The following CFAP70 variants were observed in gnomAD, a reference collection of about 807,000 sequenced individuals.
The protein encoded by CFAP70 is cilia and flagella associated protein 70, also known as cilia- and flagella-associated protein 70.
CFAP70 carries 81 observed loss-of-function variants against 137.6 expected under a neutral mutation model. The observed-to-expected ratio is 0.59, with a 90% CI of 0.49 to 0.71. The LOEUF is 0.71. Among genes scored for constraint, CFAP70 ranks in the 30% least tolerant of loss-of-function variants. The pLI is 0.00. For synonymous variants in CFAP70, 382 were observed against 423.6 expected (o/e 0.90, Z 1.20); for missense variants, 976 against 1,226.7 (o/e 0.80, Z 3.05).
At chr10:73,335,577 G>T in intron 6 of CFAP70, 53 bp from the exon 8 acceptor site, 2 of 1,326,814 alleles carry the variant, frequency 1.5e-6, no homozygotes, top group South Asian at 1.3e-5. Flanking sequence ...ACTTCATTCT[G>T]CTCCATCTAT....
At chr10:73,332,873 G>T (rs1280269650) in intron 7 of CFAP70, among the ~76,000 whole-genome samples, 1 of 152,040 alleles carries the variant, frequency 6.6e-6, no homozygotes. Flanking sequence ...AAATTAAAGG[G>T]CTATAAAGAA....
At position 73,323,383 on chromosome 10, in the gene CFAP70, C is replaced by G. The variant is rs571714942; in HGVS notation, c.778-286G>C. ...ATAGGAACAGCTCCGGTCTATAGCT[C>G]CCAGCGTGAGCGACGCAGAAGATGG... On this transcript the variant is annotated intron_variant, in intron 8 of 26. Transcript: ENST00000310715. Among the ~76,000 whole-genome samples the G allele has an allele frequency of 1.8e-4, 27 of 151,736 alleles. No individual in the cohort carries two copies. The South Asian group carries it at 5.6e-3, about 32-fold the overall frequency.
At chr10:73,334,675 G>A (rs1589529403) in intron 7 of CFAP70, among the ~76,000 whole-genome samples, 2 of 151,852 alleles carry the variant, frequency 1.3e-5, no homozygotes, top group South Asian at 4.2e-4. Context: ...CACCTCCTGG[G>A]TTCAAGCGAT....
chr10:73,291,813 C>T (rs892200108), intron 17 of CFAP70, 58 bp from the exon 19 acceptor site: 17 of 1,613,366 alleles, frequency 1.1e-5, no homozygotes, highest in Non-Finnish European at 2.5e-6. Context: ...TTTATGGAAC[C>T]AAGACAATTT....
At chr10:73,284,790 A>AACT (rs1564783912) in intron 19 of CFAP70, among the ~76,000 whole-genome samples, 15 of 70,874 alleles carry the variant, frequency 2.1e-4, no homozygotes, top group African/African-American at 8.5e-4. Flanking sequence ...ATATATATAT[A>AACT]TATATATATA....
At chr10:73,310,802 GC>G (rs2049847920) in intron 11 of CFAP70, among the ~76,000 whole-genome samples, 1 of 152,098 alleles carries the variant, frequency 6.6e-6, no homozygotes, top group Non-Finnish European at 1.5e-5. Flanking sequence ...AGTGAGGCTT[GC>G]AACCTGAGTT....
rs1025166186 is a variant in CFAP70 at position 73,275,748 on chromosome 10, C to T, written c.2521-150G>A. ...ACTTCAAAAGGTAAAGGGTGAATTA[C>T]AAACATTCTGCACTTCATAGTTCCA... On this transcript the variant is annotated intron_variant, in intron 21 of 26. Coordinates refer to ENST00000310715, the Ensembl canonical transcript of CFAP70. This position sits in a 1 kb window ranked among gnomAD's most constrained non-coding sequence, Gnocchi z 4.0. 8.8e-6 allele frequency: 6 copies of T among 685,372 alleles called. No individual in the cohort carries two copies. In the Admixed American group the frequency reaches 2.3e-4, roughly 26 times the overall value. The allele number at this position is 685,372 out of a possible 1,614,324, so 42.5% of individuals were successfully genotyped here.
chr10:73,254,785 G>T (rs907956724), intron 26 of CFAP70, among the ~76,000 whole-genome samples: 2 of 152,126 alleles, frequency 1.3e-5, no homozygotes, highest in Non-Finnish European at 2.9e-5. Context: ...AGTAAGCTAC[G>T]CTGGCTGTCT....
In CFAP70 at chr10:73,299,563, A is replaced by G. The variant is rs1050573815; in HGVS notation, c.1317+42T>C. The G allele has an allele frequency of 3.2e-6, 5 of 1,559,330 alleles. No homozygotes were observed. In the African/African-American group the frequency reaches 5.4e-5, roughly 17 times the overall value. ...TGCAATTAACAAGTGCATGCACTCA[A>G]TATCTTATTACTTATCATTTCAACT... On this transcript the variant is annotated intron_variant, in intron 13 of 26. Transcript: ENST00000310715.
chr10:73,283,909 T>C (rs990915200), intron 19 of CFAP70, among the ~76,000 whole-genome samples: 20 of 152,246 alleles, frequency 1.3e-4, no homozygotes, highest in Non-Finnish European at 2.9e-5. Context: ...AGTTGAGGTT[T>C]TAAAAATTAT....
At chr10:73,284,754 A>T (rs1378873691) in intron 19 of CFAP70, among the ~76,000 whole-genome samples, 5 of 15,230 alleles carry the variant, frequency 3.3e-4, no homozygotes, top group Non-Finnish European at 1.1e-4. Context: ...ATATATATAT[A>T]TATATATATA....
chr10:73,322,295 T>A (rs2050932583), intron 9 of CFAP70, among the ~76,000 whole-genome samples: 1 of 152,212 alleles, frequency 6.6e-6, no homozygotes, highest in South Asian at 2.1e-4. Flanking sequence ...CCTCCTTCTA[T>A]CCCTGTTCCC....
At chr10:73,356,171 G>T (rs2054661466) in intron 1 of CFAP70, among the ~76,000 whole-genome samples, 1 of 149,962 alleles carries the variant, frequency 6.7e-6, no homozygotes, top group Non-Finnish European at 1.5e-5. Context: ...TTGGATATTT[G>T]TTTTTTGGAA....
intron 19 of CFAP70, among the ~76,000 whole-genome samples, chr10:73,290,937 G>T (rs572927104): frequency 2.0e-5 from 3 of 152,280 alleles, no homozygotes; most frequent in African/African-American, 7.2e-5. Flanking sequence ...CAAACTCAAT[G>T]TATTCATTCA....
chr10:73,282,961 T>C (rs1340817821), intron 19 of CFAP70, among the ~76,000 whole-genome samples: 4 of 151,334 alleles, frequency 2.6e-5, no homozygotes, highest in African/African-American at 9.7e-5. Flanking sequence ...GCCTCCCAAG[T>C]AGCTAGGATT....
At chr10:73,338,391 G>A (rs1477622010) in intron 6 of CFAP70, among the ~76,000 whole-genome samples, 1 of 150,042 alleles carries the variant, frequency 6.7e-6, no homozygotes, top group East Asian at 2.0e-4. Flanking sequence ...CTCCCAAAGT[G>A]CTGGGATTAC....
chr10:73,346,759 T>C (rs1302890660), intron 4 of CFAP70, among the ~76,000 whole-genome samples: 1 of 152,222 alleles, frequency 6.6e-6, no homozygotes, highest in Non-Finnish European at 1.5e-5. Flanking sequence ...TGTCAAGATT[T>C]ATGCAAAATC....
At chr10:73,345,837 G>A in intron 4 of CFAP70, among the ~76,000 whole-genome samples, 1 of 151,956 alleles carries the variant, frequency 6.6e-6, no homozygotes, top group Non-Finnish European at 1.5e-5. Context: ...TTGCACATGA[G>A]TAAGTGAGAT....
exon 3 of CFAP70, chr10:73,353,600 T>G: frequency 2.5e-6 from 4 of 1,614,204 alleles, no homozygotes; most frequent in Non-Finnish European, 3.4e-6. Context: ...GATTCCTCCT[T>G]CAGGATTAAA....
Sources: allele counts gnomAD v4.1 joint callset (sites outside exome capture counted in the v4.1 genomes callset), GRCh38; gene constraint gnomAD v4.1.1; non-coding constraint Gnocchi (gnomAD v3.1); transcripts MANE v1.5; gene names NCBI Gene and HGNC (gene_info 2026-07-23, HGNC 2026-07-21).